RALGPS2: variants seen among roughly 807,000 people sequenced by gnomAD.
RALGPS2 encodes the protein ras-specific guanine nucleotide-releasing factor RalGPS2.
Under a neutral mutation model 86.8 loss-of-function variants are expected in RALGPS2, and 43 were observed. The ratio of observed to expected loss-of-function variants is 0.50; its 90% CI spans 0.39 to 0.64. The LOEUF is 0.64. Ranked by LOEUF, RALGPS2 falls within the 30% of genes least tolerant of loss-of-function variation. The pLI, the probability that RALGPS2 is intolerant of heterozygous loss-of-function variation, is 0.00. For synonymous variants in RALGPS2, 243 were observed against 231.3 expected, an observed-to-expected ratio of 1.05 and a Z score of -0.46; for missense variants, 536 against 694.6, an observed-to-expected ratio of 0.77 and a Z score of 2.57.
intron 19 of RALGPS2, among the ~76,000 whole-genome samples, chr1:178,907,899 G>T (rs895925328): frequency 6.6e-6 from 1 of 152,162 alleles, no homozygotes; most frequent in Non-Finnish European, 1.5e-5. Context: ...AAAAATGGTG[G>T]ATTCAAACTT....
intron 4 of RALGPS2, among the ~76,000 whole-genome samples, chr1:178,804,545 G>A (rs566833347): frequency 0.027 from 3,675 of 134,394 alleles, 170 homozygotes; most frequent in African/African-American, 0.097. Context: ...TTTTGTTCTT[G>A]CGATAGTTTA....
At chr1:178,856,234 T>TATATATATATATATATATACATACAC (rs1368301659) in intron 8 of RALGPS2, among the ~76,000 whole-genome samples, 1 of 128,776 alleles carries the variant, frequency 7.8e-6, no homozygotes, top group African/African-American at 3.2e-5. Flanking sequence ...TATATATATA[T>TATATATATATATATATATACATACAC]GGTTTTGGGT....
chr1:178,861,431 A>C (rs1440677967), intron 8 of RALGPS2, among the ~76,000 whole-genome samples: 1 of 151,838 alleles, frequency 6.6e-6, no homozygotes. Context: ...TATGAGGTTT[A>C]ATTCTGTAGC....
chr1:178,826,256 C>T (rs1319577041), intron 7 of RALGPS2, among the ~76,000 whole-genome samples: 1 of 152,110 alleles, frequency 6.6e-6, no homozygotes, highest in East Asian at 1.9e-4. Context: ...TTTTAATGTT[C>T]ATAACAACAT....
chr1:178,827,392 A>ATT (rs748058137), intron 7 of RALGPS2, among the ~76,000 whole-genome samples: 10,399 of 131,924 alleles, frequency 0.079, 545 homozygotes, highest in Middle Eastern at 0.097. Context: ...ATACTCTCTG[A>ATT]TTTTTTTTTT....
chr1:178,861,960 C>T (rs1012632901), intron 8 of RALGPS2, among the ~76,000 whole-genome samples: 4 of 149,266 alleles, frequency 2.7e-5, no homozygotes, highest in African/African-American at 7.7e-5. Flanking sequence ...GCAACCTCCG[C>T]CCCCCAGGTT....
At chr1:178,873,586 G>T (rs1012140621) in intron 8 of RALGPS2, among the ~76,000 whole-genome samples, 1 of 152,152 alleles carries the variant, frequency 6.6e-6, no homozygotes, top group Non-Finnish European at 1.5e-5. Flanking sequence ...GCACTTGGCA[G>T]TTTTGCTCCT....
chr1:178,874,117 G>A (rs972646735), intron 8 of RALGPS2, among the ~76,000 whole-genome samples: 3 of 151,982 alleles, frequency 2.0e-5, no homozygotes, highest in Non-Finnish European at 4.4e-5. Flanking sequence ...GACAAATGTC[G>A]GGGAAAAAAT....
chr1:178,856,370 GGCAAGT>G (rs1037506140), intron 8 of RALGPS2, among the ~76,000 whole-genome samples: 3 of 137,902 alleles, frequency 2.2e-5, no homozygotes, highest in Non-Finnish European at 4.6e-5. Context: ...TAGGACTACA[GGCAAGT>G]GCCACCCTGC....
At chr1:178,744,548 GC>G (rs947923913) in intron 1 of RALGPS2, among the ~76,000 whole-genome samples, 1 of 152,140 alleles carries the variant, frequency 6.6e-6, no homozygotes, top group African/African-American at 2.4e-5. Flanking sequence ...GGTGGCTCAT[GC>G]CTGTAATGCC....
rs537450215 is a variant in RALGPS2, at chr1:178,826,761, A to T, written c.480+5057A>T. 2.6e-3 allele frequency among the ~76,000 whole-genome samples: 402 copies of T among 152,348 alleles called. 5 individuals are homozygous for T. The highest frequency in any genetic ancestry group is 0.01 in the Middle Eastern group (3 of 294). On this transcript the variant is annotated intron_variant, in intron 7 of 19. Transcript: ENST00000367635. ...ATATGAGCAATACAAAATTGGTTAT[A>T]TTTGAAACAAGTATTATTTAAAAGG...
chr1:178,832,853 G>A (rs1347654480), intron 7 of RALGPS2, among the ~76,000 whole-genome samples: 4 of 150,854 alleles, frequency 2.7e-5, no homozygotes, highest in Non-Finnish European at 4.4e-5. Flanking sequence ...TGCCTCTCAA[G>A]TGTCTTACAA....
chr1:178,737,212 T>G (rs1189458508), intron 1 of RALGPS2, among the ~76,000 whole-genome samples: 1 of 152,186 alleles, frequency 6.6e-6, no homozygotes, highest in Non-Finnish European at 1.5e-5. Flanking sequence ...AATGCACATC[T>G]AAGAATTGAT....
At chr1:178,737,868 C>G (rs1478003603) in intron 1 of RALGPS2, among the ~76,000 whole-genome samples, 1 of 152,042 alleles carries the variant, frequency 6.6e-6, no homozygotes, top group Non-Finnish European at 1.5e-5. Context: ...GCCTTGACCT[C>G]CCAGACTTAA....
intron 1 of RALGPS2, among the ~76,000 whole-genome samples, chr1:178,729,717 C>T (rs1650228804): frequency 6.6e-6 from 1 of 152,106 alleles, no homozygotes; most frequent in South Asian, 2.1e-4. Flanking sequence ...TGCAAGTCTT[C>T]CAAAATCTGA....
intron 14 of RALGPS2, among the ~76,000 whole-genome samples, chr1:178,891,595 C>T (rs1483122270): frequency 6.6e-6 from 1 of 151,686 alleles, no homozygotes; most frequent in African/African-American, 2.4e-5. Context: ...TTTTATGTGT[C>T]TGTTTTTATT....
At chr1:178,875,168 A>G (rs191440292) in intron 8 of RALGPS2, among the ~76,000 whole-genome samples, 1 of 152,318 alleles carries the variant, frequency 6.6e-6, no homozygotes, top group East Asian at 1.9e-4. Flanking sequence ...CCAGTTTTCA[A>G]CAGCTGTGCA....
chr1:178,799,778 G>A (rs186999343), intron 4 of RALGPS2, among the ~76,000 whole-genome samples: 8 of 152,118 alleles, frequency 5.3e-5, no homozygotes, highest in Admixed American at 3.3e-4. Flanking sequence ...AAGGATTGTC[G>A]GTGATATATA....
rs182592079 is a variant in RALGPS2, at chr1:178,797,652, C to G, written c.214-10393C>G. The stretch of plus-strand genomic sequence containing the variant: ...ATTCAGTTTTCCTCAGCAGTTACAT[C>G]TTACATAACTATAGTACAATATCAA... On this transcript the variant is annotated intron_variant, in intron 4 of 19. Coordinates refer to ENST00000367635, the MANE Select transcript of RALGPS2 (RefSeq NM_152663.5). Among the ~76,000 whole-genome samples, 194 of 152,208 alleles carry G rather than the reference C, an allele frequency of 1.3e-3. 2 individuals carry two copies. Among genetic ancestry groups the G allele is most frequent in the African/African-American group, 4.3e-3 (178 of 41,520 alleles).
Sources: gnomAD v4.1 joint callset for allele counts (sites outside exome capture counted in the v4.1 genomes callset) on GRCh38, gnomAD v4.1.1 for gene constraint, MANE v1.5 for transcripts, NCBI Gene and HGNC (gene_info 2026-07-23, HGNC 2026-07-21) for gene names.